Variants in PKNOX2 observed in about 807,000 individuals in gnomAD.
PKNOX2 encodes PBX/knotted 1 homeobox 2.
A neutral mutation model predicts 53.1 loss-of-function variants in PKNOX2; 14 were observed. That is an observed-to-expected ratio of 0.26 (90% CI 0.17 to 0.41). PKNOX2 has a LOEUF of 0.41. PKNOX2 is among the 10% of genes least tolerant of loss of function. The probability of loss-of-function intolerance (pLI) is 1.00; values close to 1 mark genes in which losing one functional copy is unlikely to be tolerated. For missense variants in PKNOX2, 496 were observed against 602.8 expected, an observed-to-expected ratio of 0.82 and a Z score of 1.85; for synonymous variants, 257 against 242.8, an observed-to-expected ratio of 1.06 and a Z score of -0.54.
rs983931918 is a variant in PKNOX2 at position 125,228,163 on chromosome 11, C to T, written c.-200-6882C>T. Among the ~76,000 whole-genome samples, 24 of 152,224 alleles carry T rather than the reference C, an allele frequency of 1.6e-4. 1 individual carries two copies. The highest frequency in any genetic ancestry group is 2.1e-4 in the South Asian group (1 of 4,824). ...CAACTCAGTCCTGCACAACCTTCCACGATGACAGAAACGTGCTCCATCTGA... is the reference window on the plus strand; with the variant it reads ...CAACTCAGTCCTGCACAACCTTCCATGATGACAGAAACGTGCTCCATCTGA... On this transcript the variant is annotated intron_variant, in intron 1 of 12. Coordinates refer to ENST00000298282, the MANE Select transcript of PKNOX2 (RefSeq NM_001382323.2).
chr11:125,296,825 G>A (rs1395181576), intron 2 of PKNOX2, among the ~76,000 whole-genome samples: 6 of 152,026 alleles, frequency 3.9e-5, no homozygotes, highest in African/African-American at 1.2e-4. Flanking sequence ...TAGTAGAGAC[G>A]GGGTTTCACC....
chr11:125,253,867 T>C (rs1314031971), intron 2 of PKNOX2, among the ~76,000 whole-genome samples: 2 of 152,092 alleles, frequency 1.3e-5, no homozygotes, highest in African/African-American at 2.4e-5. Flanking sequence ...TGGACTCAGC[T>C]CTTCCCAGGG....
chr11:125,272,671 G>A (rs1057085939), intron 2 of PKNOX2, among the ~76,000 whole-genome samples: 1 of 152,178 alleles, frequency 6.6e-6, no homozygotes, highest in Non-Finnish European at 1.5e-5. Flanking sequence ...CGTAAAGAGG[G>A]CACAGGGACA....
chr11:125,326,339 GCCAGGGAACT>G (rs1382833066), intron 2 of PKNOX2, among the ~76,000 whole-genome samples: 162 of 152,326 alleles, frequency 1.1e-3, no homozygotes, highest in African/African-American at 3.8e-3. Context: ...TGGCAGGTGG[GCCAGGGAACT>G]CACACAGGGG....
intron 2 of PKNOX2, among the ~76,000 whole-genome samples, chr11:125,329,348 T>G (rs150820865): frequency 6.6e-6 from 1 of 152,212 alleles, no homozygotes; most frequent in Admixed American, 6.5e-5. Context: ...TTTTTCCTCT[T>G]ATTTGTCTAT....
intron 7 of PKNOX2, among the ~76,000 whole-genome samples, chr11:125,401,766 A>AGTGTGTGTGTGT (rs370503272): frequency 2.9e-4 from 44 of 149,304 alleles, no homozygotes; most frequent in African/African-American, 1.0e-3. Context: ...GGAGCTTGTG[A>AGTGTGTGTGTGT]GTGTGTGTGT....
chr11:125,291,759 C>T, intron 2 of PKNOX2, among the ~76,000 whole-genome samples: 1 of 152,096 alleles, frequency 6.6e-6, no homozygotes, highest in East Asian at 1.9e-4. Flanking sequence ...TTGAAATATG[C>T]TATAGCATGG....
intron 1 of PKNOX2, among the ~76,000 whole-genome samples, chr11:125,225,018 G>A (rs1459408332): frequency 5.9e-5 from 9 of 152,212 alleles, no homozygotes; most frequent in Non-Finnish European, 1.2e-4. Context: ...TGGCTGCCTG[G>A]ATGGCATCTT....
chr11:125,206,193 G>C (rs190727507), intron 1 of PKNOX2, among the ~76,000 whole-genome samples: 3 of 151,990 alleles, frequency 2.0e-5, no homozygotes, highest in South Asian at 2.1e-4. Context: ...TGGGCGGTGG[G>C]GGGGAGAACC....
chr11:125,406,971 G>A (rs1955148511), intron 7 of PKNOX2, among the ~76,000 whole-genome samples: 1 of 140,964 alleles, frequency 7.1e-6, no homozygotes, highest in South Asian at 2.3e-4. Flanking sequence ...GGTTTGTGAA[G>A]CAGCTCATGT....
At chr11:125,196,354 C>T (rs1228418366) in intron 1 of PKNOX2, among the ~76,000 whole-genome samples, 2 of 152,090 alleles carry the variant, frequency 1.3e-5, no homozygotes, top group Non-Finnish European at 2.9e-5. Flanking sequence ...CTCCCTGAGG[C>T]GTATAGCTTA....
At chr11:125,221,725 G>T (rs1302975159) in intron 1 of PKNOX2, among the ~76,000 whole-genome samples, 2 of 152,078 alleles carry the variant, frequency 1.3e-5, no homozygotes, top group African/African-American at 4.8e-5. Flanking sequence ...CAATTTGTAT[G>T]CAATTTGTTT....
At chr11:125,403,078 G>A (rs565187378) in intron 7 of PKNOX2, among the ~76,000 whole-genome samples, 8 of 152,258 alleles carry the variant, frequency 5.3e-5, no homozygotes, top group South Asian at 2.1e-4. Context: ...GAAAGAAGGC[G>A]AGAAACAGAG....
At chr11:125,212,049 A>G (rs1939905768) in intron 1 of PKNOX2, among the ~76,000 whole-genome samples, 1 of 152,070 alleles carries the variant, frequency 6.6e-6, no homozygotes, top group African/African-American at 2.4e-5. Context: ...TCTCTGTTCT[A>G]CCTGTAAGAG....
intron 5 of PKNOX2, among the ~76,000 whole-genome samples, chr11:125,379,689 C>T (rs193009914): frequency 9.1e-4 from 139 of 152,268 alleles, no homozygotes; most frequent in South Asian, 1.2e-3. Flanking sequence ...CTGCAGCCAA[C>T]ATACTGCCCT....
chr11:125,389,312 A>T (rs1953873622), intron 6 of PKNOX2, among the ~76,000 whole-genome samples: 1 of 152,238 alleles, frequency 6.6e-6, no homozygotes, highest in African/African-American at 2.4e-5. Context: ...AACCCAGGTC[A>T]GCTGACTCCT....
At chr11:125,314,313 A>G (rs1002369819) in intron 2 of PKNOX2, among the ~76,000 whole-genome samples, 1 of 152,042 alleles carries the variant, frequency 6.6e-6, no homozygotes, top group Non-Finnish European at 1.5e-5. Context: ...TCGCAACGTC[A>G]CCATGGCCAG....
intron 5 of PKNOX2, among the ~76,000 whole-genome samples, chr11:125,379,889 G>A (rs1383710994): frequency 6.6e-6 from 1 of 151,736 alleles, no homozygotes; most frequent in Non-Finnish European, 1.5e-5. Flanking sequence ...GCTAGCACAA[G>A]ACTGCAATTC....
At chr11:125,396,580 TA>T (rs34795718) in intron 6 of PKNOX2, among the ~76,000 whole-genome samples, 41,577 of 138,044 alleles carry the variant, frequency 0.3, 6,131 homozygotes, top group African/African-American at 0.39. Flanking sequence ...CAGAAACTTT[TA>T]AAAAAAAAAA....
Sources: allele counts gnomAD v4.1 joint callset (sites outside exome capture counted in the v4.1 genomes callset), GRCh38; gene constraint gnomAD v4.1.1; transcripts MANE v1.5; gene names NCBI Gene and HGNC (gene_info 2026-07-23, HGNC 2026-07-21).